Variants in NECAP2 observed in about 807,000 individuals in gnomAD.
The protein encoded by NECAP2 is NECAP endocytosis associated 2.
Under a neutral mutation model 37.8 loss-of-function variants are expected in NECAP2, and 38 were observed. The ratio of observed to expected loss-of-function variants is 1.01; its 90% CI spans 0.78 to 1.32. The LOEUF (loss-of-function observed/expected upper bound fraction) is 1.32, where lower values mean the gene tolerates loss of function less well. NECAP2 is among the 40% of genes most tolerant of loss of function. The pLI is 0.00. For missense variants in NECAP2, 316 were observed against 334.5 expected (o/e 0.94, Z 0.43); for synonymous variants, 121 against 127.7 (o/e 0.95, Z 0.35).
intron 7 of NECAP2, among the ~76,000 whole-genome samples, chr1:16,457,764 G>T (rs1478590385): frequency 2.8e-5 from 4 of 144,258 alleles, no homozygotes; most frequent in African/African-American, 7.9e-5. Flanking sequence ...CTAGGCTGGA[G>T]TGCAGTGGCG....
chr1:16,442,761 A>G (rs2086707135), intron 1 of NECAP2, among the ~76,000 whole-genome samples: 2 of 152,090 alleles, frequency 1.3e-5, no homozygotes, highest in Admixed American at 1.3e-4. Context: ...CTATCTCTAT[A>G]ATTTTTTTTA....
At chr1:16,449,274 C>A in intron 5 of NECAP2, 73 bp downstream of exon 5, 1 of 1,006,254 alleles carries the variant, frequency 9.9e-7, no homozygotes, top group Non-Finnish European at 1.5e-6. Flanking sequence ...CATTGCTCTT[C>A]TTACAGTTCA....
chr1:16,457,614 G>A (rs1441770951), intron 7 of NECAP2, among the ~76,000 whole-genome samples: 5 of 151,408 alleles, frequency 3.3e-5, no homozygotes, highest in African/African-American at 1.2e-4. Flanking sequence ...TTTTTGCATC[G>A]CTCTAGTATA....
At chr1:16,447,821 G>A (rs1416020294) in intron 2 of NECAP2, 49 bp from the exon 3 acceptor site, 17 of 1,519,560 alleles carry the variant, frequency 1.1e-5, no homozygotes, top group Non-Finnish European at 1.6e-5. Flanking sequence ...GAAAACCTTG[G>A]CTGGAAGGGG....
intron 2 of NECAP2, among the ~76,000 whole-genome samples, chr1:16,444,947 G>A (rs1309821195): frequency 1.3e-5 from 2 of 152,104 alleles, no homozygotes; most frequent in African/African-American, 2.4e-5. Context: ...TCAGCCTCTC[G>A]GGTAGCTGGG....
In NECAP2 at chr1:16,453,335, C is replaced by T. The variant is rs1250368406; in HGVS notation, c.667+1320C>T. Among the ~76,000 whole-genome samples the T allele has an allele frequency of 8.6e-5, 13 of 151,998 alleles. No individual in the cohort carries two copies. The East Asian group carries it at 2.3e-3, about 27-fold the overall frequency. ...TGTTGGTCAGGCTGGTCTTGAACTC[C>T]CAACCTCAGGTGATCCGCCCGCCTC... On this transcript the variant is annotated intron_variant, in intron 6 of 7. Transcript: ENST00000337132.
Position 16,440,758 on chromosome 1 carries a change from C to G in NECAP2, c.-4C>G. 1.2e-6 allele frequency: 2 copies of G among 1,612,858 alleles called. No homozygotes were observed. The highest frequency in any genetic ancestry group is 1.7e-6 in the Non-Finnish European group (2 of 1,178,886). On this transcript the variant is annotated 5_prime_UTR_variant, in exon 1 of 8. Coordinates refer to ENST00000337132, the MANE Select transcript of NECAP2 (RefSeq NM_018090.5). Reference sequence around the variant, plus strand: ...CGGAAGTTCGGTGGGCTCCAGGCGTCGCGATGGAGGAGAGCGGGTACGAGT... The same window carrying G: ...CGGAAGTTCGGTGGGCTCCAGGCGTGGCGATGGAGGAGAGCGGGTACGAGT...
intron 2 of NECAP2, among the ~76,000 whole-genome samples, chr1:16,445,927 G>C (rs1003124300): frequency 6.6e-6 from 1 of 151,832 alleles, no homozygotes; most frequent in Non-Finnish European, 1.5e-5. Context: ...CAAAAAAAAG[G>C]CCGGGCACGG....
At chr1:16,452,101 T>TA in intron 6 of NECAP2, 86 bp downstream of exon 6, 1 of 1,346,342 alleles carries the variant, frequency 7.4e-7, no homozygotes. Context: ...TCCCCCCCGT[T>TA]ACACACATGG....
At chr1:16,449,925 A>AGAGG in intron 5 of NECAP2, 1 of 248,800 alleles carries the variant, frequency 4.0e-6, no homozygotes, top group Non-Finnish European at 8.0e-6. Flanking sequence ...GCAAGGGTGG[A>AGAGG]GAGGGGAGAT....
At chr1:16,449,459 C>T (rs561384912) in intron 5 of NECAP2, 416 of 428,702 alleles carry the variant, frequency 9.7e-4, no homozygotes, top group Middle Eastern at 2.5e-3. Flanking sequence ...CCCTGGGTGC[C>T]GTGGGCTCCT....
At chr1:16,447,069 A>G (rs1444730953) in intron 2 of NECAP2, among the ~76,000 whole-genome samples, 5 of 151,892 alleles carry the variant, frequency 3.3e-5, no homozygotes, top group Admixed American at 2.0e-4. Context: ...CAGGAAAAAA[A>G]AAAAAAAAAG....
At chr1:16,441,869 T>G (rs1003654568) in intron 1 of NECAP2, among the ~76,000 whole-genome samples, 1 of 152,266 alleles carries the variant, frequency 6.6e-6, no homozygotes, top group East Asian at 1.9e-4. Flanking sequence ...TATTTTAAAA[T>G]AGTATAAAAA....
At chr1:16,455,110 C>T (rs922332979) in intron 6 of NECAP2, among the ~76,000 whole-genome samples, 2 of 152,148 alleles carry the variant, frequency 1.3e-5, no homozygotes, top group Admixed American at 6.5e-5. Context: ...ATCTGTTCTC[C>T]TGGCCCAGAG....
chr1:16,447,006 G>A (rs1018192060), intron 2 of NECAP2, among the ~76,000 whole-genome samples: 1 of 150,990 alleles, frequency 6.6e-6, no homozygotes, highest in Non-Finnish European at 1.5e-5. Flanking sequence ...GTTGCAGTGA[G>A]CCGAGATTGC....
chr1:16,447,631 A>G (rs1010061251), intron 2 of NECAP2, among the ~76,000 whole-genome samples: 1 of 152,232 alleles, frequency 6.6e-6, no homozygotes, highest in African/African-American at 2.4e-5. Context: ...GCCAGGCAGA[A>G]TACCAAACTG....
At chr1:16,448,953 C>A in intron 4 of NECAP2, 140 bp from the exon 5 acceptor site, 1 of 612,150 alleles carries the variant, frequency 1.6e-6, no homozygotes, top group Non-Finnish European at 2.9e-6. Context: ...GCCTCACTCC[C>A]AAGCCTGCAC....
At chr1:16,456,890 C>T (rs2086928801) in intron 7 of NECAP2, among the ~76,000 whole-genome samples, 2 of 152,150 alleles carry the variant, frequency 1.3e-5, no homozygotes, top group African/African-American at 2.4e-5. Flanking sequence ...TTCATAGATA[C>T]GGGGTTTTGC....
chr1:16,454,881 A>G (rs1310492145), intron 6 of NECAP2, among the ~76,000 whole-genome samples: 2 of 152,244 alleles, frequency 1.3e-5, no homozygotes, highest in Admixed American at 1.3e-4. Context: ...TGTTCTAAGC[A>G]TTCTGTGGAT....
Sources: allele counts gnomAD v4.1 joint callset (sites outside exome capture counted in the v4.1 genomes callset), GRCh38; gene constraint gnomAD v4.1.1; transcripts MANE v1.5; gene names NCBI Gene and HGNC (gene_info 2026-07-23, HGNC 2026-07-21).